The following SETD2 variants were observed in gnomAD, a reference collection of about 807,000 sequenced individuals.
SETD2 encodes SET domain containing 2, histone lysine methyltransferase, also known as histone-lysine N-methyltransferase SETD2.
In SETD2, 31 loss-of-function variants were observed where a neutral mutation model predicts 242.1. The observed-to-expected ratio is 0.13, with a 90% CI of 0.10 to 0.17. SETD2 has a LOEUF of 0.17. Among genes scored for constraint, SETD2 ranks in the 10% least tolerant of loss-of-function variants. SETD2 has a pLI of 1.00. For synonymous variants in SETD2, 1,006 were observed against 1,066.5 expected, an observed-to-expected ratio of 0.94 and a Z score of 1.11; for missense variants, 2,481 against 3,046.3, an observed-to-expected ratio of 0.81 and a Z score of 4.37.
At chr3:47,143,496 C>G (rs919954197) in intron 1 of SETD2, among the ~76,000 whole-genome samples, 1 of 152,124 alleles carries the variant, frequency 6.6e-6, no homozygotes, top group African/African-American at 2.4e-5. Flanking sequence ...TTAAGGTAAA[C>G]AGAAAAATAA....
chr3:47,029,973 G>C (rs2038688479), intron 18 of SETD2, among the ~76,000 whole-genome samples: 1 of 151,800 alleles, frequency 6.6e-6, no homozygotes, highest in Non-Finnish European at 1.5e-5. Context: ...CTGGCCAACA[G>C]GGCAAAACCC....
At chr3:47,127,507 C>G (rs2043366126) in intron 1 of SETD2, 1 of 433,336 alleles carries the variant, frequency 2.3e-6, no homozygotes, top group South Asian at 1.7e-5. Flanking sequence ...TTGGGAGGAT[C>G]ACTTGAGTTC....
In SETD2 at chr3:47,042,823, G is replaced by C; in HGVS notation, c.7099-123C>G. On this transcript the variant is annotated intron_variant, in intron 16 of 20. Coordinates refer to ENST00000409792, the MANE Select transcript of SETD2 (RefSeq NM_014159.7). Reference sequence around the variant, plus strand: ...TACCTCCTCTTAAAAAAAGGATAAAGGAAAGGTACAGTCTGGGAAATAAGG... The same window carrying C: ...TACCTCCTCTTAAAAAAAGGATAAACGAAAGGTACAGTCTGGGAAATAAGG... The C allele has an allele frequency of 3.4e-6, 3 of 892,382 alleles. No homozygotes were observed. The South Asian group carries it at 5.1e-5, about 15-fold the overall frequency. 55.3% of individuals were successfully genotyped at this position (892,382 alleles called of 1,614,324 possible).
chr3:47,096,950 A>C (rs2042034597), intron 9 of SETD2, among the ~76,000 whole-genome samples: 1 of 152,014 alleles, frequency 6.6e-6, no homozygotes, highest in Non-Finnish European at 1.5e-5. Context: ...TTTTAACTGA[A>C]TCTTCTTACA....
intron 1 of SETD2, among the ~76,000 whole-genome samples, chr3:47,141,818 A>C (rs1475493311): frequency 6.6e-6 from 1 of 152,230 alleles, no homozygotes; most frequent in Non-Finnish European, 1.5e-5. Flanking sequence ...CTTAAATGCA[A>C]TAAAAATAGC....
At chr3:47,025,769 T>C (rs2038446482) in intron 18 of SETD2, among the ~76,000 whole-genome samples, 1 of 152,246 alleles carries the variant, frequency 6.6e-6, no homozygotes, top group Non-Finnish European at 1.5e-5. Flanking sequence ...CCAAAGCATT[T>C]CATACTTTCT....
intron 1 of SETD2, among the ~76,000 whole-genome samples, chr3:47,158,976 G>T (rs1407816210): frequency 6.6e-6 from 1 of 152,024 alleles, no homozygotes; most frequent in Non-Finnish European, 1.5e-5. Flanking sequence ...TCTTAACACA[G>T]GCATTTAAAA....
chr3:47,051,146 C>T (rs1472329792), intron 15 of SETD2, among the ~76,000 whole-genome samples: 1 of 151,878 alleles, frequency 6.6e-6, no homozygotes, highest in Non-Finnish European at 1.5e-5. Flanking sequence ...ACTCTGTTAC[C>T]CAGGCTGGAA....
intron 17 of SETD2, among the ~76,000 whole-genome samples, chr3:47,041,696 C>T (rs945803812): frequency 6.6e-6 from 1 of 152,028 alleles, no homozygotes; most frequent in Non-Finnish European, 1.5e-5. Flanking sequence ...ATAAAGCTAT[C>T]TGTCTAAACG....
chr3:47,058,463 A>AAAAAAAAAAG (rs2040181862), intron 14 of SETD2, among the ~76,000 whole-genome samples: 1 of 114,722 alleles, frequency 8.7e-6, no homozygotes, highest in Non-Finnish European at 1.6e-5. Flanking sequence ...AAAAAAAAAA[A>AAAAAAAAAAG]ACACAAAGAG....
rs749502690 is a variant in SETD2 at position 47,017,661 on chromosome 3, C to T, written c.7510G>A (p.Asp2504Asn). The T allele has an allele frequency of 6.2e-7, 1 of 1,613,954 alleles. No individual in the cohort carries two copies. The change falls in exon 20 of 21, where the codon GAC (aspartate) becomes AAC (asparagine). Residue 2504 changes from aspartate to asparagine, a missense_variant. By Grantham distance (23) the Asp-to-Asn change is conservative (BLOSUM62 1). Coordinates refer to ENST00000409792, the MANE Select transcript of SETD2 (RefSeq NM_014159.7). This position sits in a 1 kb window ranked among gnomAD's most constrained non-coding sequence, Gnocchi z 4.8. ...CKVGRITTTE[D>N]FKHLARKLTH... The stretch of plus-strand genomic sequence containing the variant: ...ACCTTGCGAGCCAGATGTTTAAAGT[C>T]TTCAGTTGTGGTAATTCTTCCCACT...
chr3:47,049,304 AATATATATAT>A lies in SETD2; in HGVS notation c.6964-2693_6964-2684del, dbSNP rs55952850. Among the ~76,000 whole-genome samples the A allele has an allele frequency of 4.9e-3, 530 of 108,500 alleles. 4 individuals are homozygous for A. Among genetic ancestry groups the A allele is most frequent in the Middle Eastern group, 6.6e-3 (1 of 152 alleles). The allele number at this position is 108,500 out of a possible 152,430, so 71.2% of individuals were successfully genotyped here. On this transcript the variant is annotated intron_variant, in intron 15 of 20. Transcript: ENST00000409792. ...AGTTTTTTATAGAATAAGTTTTCTA[AATATATATAT>A]ATATATATATATATATATATATATA...
At chr3:47,090,796 G>GA (rs1333800585) in intron 9 of SETD2, among the ~76,000 whole-genome samples, 2 of 152,198 alleles carry the variant, frequency 1.3e-5, no homozygotes, top group African/African-American at 4.8e-5. Context: ...AGGAAATGAT[G>GA]AAAGTCTAGA....
intron 16 of SETD2, among the ~76,000 whole-genome samples, chr3:47,043,726 T>C (rs1419726309): frequency 6.6e-6 from 1 of 152,202 alleles, no homozygotes; most frequent in Non-Finnish European, 1.5e-5. Flanking sequence ...GCTTTGTGTA[T>C]ACTCTTTTTT....
intron 8 of SETD2, among the ~76,000 whole-genome samples, chr3:47,100,306 G>A (rs2042160724): frequency 6.6e-6 from 1 of 151,716 alleles, no homozygotes; most frequent in African/African-American, 2.4e-5. Context: ...TGTCACCCAG[G>A]CTGGAGTGCA....
chr3:47,153,371 A>G (rs2044043951), intron 1 of SETD2, among the ~76,000 whole-genome samples: 1 of 152,198 alleles, frequency 6.6e-6, no homozygotes, highest in Admixed American at 6.5e-5. Flanking sequence ...TATAAGTCCA[A>G]CTATGGAAAA....
rs555934406 is a variant in SETD2, at chr3:47,068,402, T to C, written c.6061-1284A>G. Among the ~76,000 whole-genome samples, 9 of 152,236 alleles carry C rather than the reference T, an allele frequency of 5.9e-5. No individual in the cohort carries two copies. The East Asian group carries it at 1.7e-3, about 29-fold the overall frequency. On this transcript the variant is annotated intron_variant, in intron 12 of 20. Coordinates refer to ENST00000409792, the MANE Select transcript of SETD2 (RefSeq NM_014159.7). ...ATTTTTTTAAACCTCCAATACTATATGCATGCTGACAAATTAATAAAGATG... is the reference window on the plus strand; with the variant it reads ...ATTTTTTTAAACCTCCAATACTATACGCATGCTGACAAATTAATAAAGATG...
intron 18 of SETD2, among the ~76,000 whole-genome samples, chr3:47,023,674 T>C (rs2038340934): frequency 6.6e-6 from 1 of 152,042 alleles, no homozygotes; most frequent in Admixed American, 6.5e-5. Context: ...AAAAATACAA[T>C]AAAAATAATA....
intron 18 of SETD2, among the ~76,000 whole-genome samples, chr3:47,037,073 T>G (rs1343839130): frequency 7.1e-6 from 1 of 140,142 alleles, no homozygotes; most frequent in African/African-American, 2.6e-5. Context: ...TTTTTTTTTT[T>G]TTTTTTTTTT....
Sources: allele counts gnomAD v4.1 joint callset (sites outside exome capture counted in the v4.1 genomes callset), GRCh38; gene constraint gnomAD v4.1.1; non-coding constraint Gnocchi (gnomAD v3.1); transcripts MANE v1.5; gene names NCBI Gene and HGNC (gene_info 2026-07-23, HGNC 2026-07-21).